The following DOCK10 variants were observed in gnomAD, a reference collection of about 807,000 sequenced individuals.
DOCK10 encodes the protein dedicator of cytokinesis 10.
A neutral mutation model predicts 280.1 loss-of-function variants in DOCK10; 145 were observed. The observed-to-expected ratio is 0.52, with a 90% CI of 0.45 to 0.59. The LOEUF (loss-of-function observed/expected upper bound fraction) is 0.59. Ranked by LOEUF, DOCK10 falls within the 20% of genes least tolerant of loss-of-function variation. The pLI is 0.00. For missense variants in DOCK10, 2,368 were observed against 2,651.7 expected, an observed-to-expected ratio of 0.89 and a Z score of 2.35; for synonymous variants, 915 against 942.2, an observed-to-expected ratio of 0.97 and a Z score of 0.53.
chr2:224,954,957 G>A (rs1703956305), intron 1 of DOCK10, among the ~76,000 whole-genome samples: 1 of 152,188 alleles, frequency 6.6e-6, no homozygotes, highest in African/African-American at 2.4e-5. Flanking sequence ...GAGGAGATCT[G>A]AATCAATGCA....
intron 27 of DOCK10, among the ~76,000 whole-genome samples, chr2:224,829,445 C>T (rs1194636359): frequency 6.6e-6 from 1 of 152,104 alleles, no homozygotes; most frequent in Admixed American, 6.5e-5. Context: ...AAGAGTAAAT[C>T]AAAATAATAT....
intron 1 of DOCK10, among the ~76,000 whole-genome samples, chr2:224,951,092 C>T (rs930475942): frequency 6.6e-6 from 1 of 152,280 alleles, no homozygotes; most frequent in South Asian, 2.1e-4. Flanking sequence ...CATACTTGTG[C>T]TTAAATCTTC....
intron 1 of DOCK10, among the ~76,000 whole-genome samples, chr2:224,999,373 C>T (rs1706363902): frequency 6.6e-6 from 1 of 151,986 alleles, no homozygotes; most frequent in Non-Finnish European, 1.5e-5. Context: ...CAAACATCTT[C>T]TTCAGAGTTG....
chr2:224,783,399 C>T lies in DOCK10; in HGVS notation c.5655+3623G>A, dbSNP rs533899372. On this transcript the variant is annotated intron_variant, in intron 50 of 55. Transcript: ENST00000258390. The stretch of plus-strand genomic sequence containing the variant: ...ACGCCATTCTCCTGCTTCAGCCTCC[C>T]GAGTAGCTGGGATTACAGGCGCTCG... 1.3e-4 allele frequency among the ~76,000 whole-genome samples: 20 copies of T among 152,002 alleles called. No homozygotes were observed. The South Asian group carries it at 2.7e-3, about 21-fold the overall frequency.
chr2:224,854,790 A>G (rs1461442602), intron 16 of DOCK10, among the ~76,000 whole-genome samples, 173 bp downstream of exon 16: 2 of 151,736 alleles, frequency 1.3e-5, no homozygotes, highest in Non-Finnish European at 2.9e-5. Context: ...CTGTAGCATC[A>G]TGAATTCCAT....
intron 3 of DOCK10, among the ~76,000 whole-genome samples, chr2:224,912,498 A>T (rs1449465129): frequency 1.3e-5 from 2 of 152,146 alleles, no homozygotes; most frequent in African/African-American, 4.8e-5. Context: ...TAAATTACAA[A>T]ATTTATGTGT....
At chr2:224,783,778 G>A (rs1049767465) in intron 50 of DOCK10, among the ~76,000 whole-genome samples, 1 of 151,364 alleles carries the variant, frequency 6.6e-6, no homozygotes, top group Admixed American at 6.6e-5. Context: ...GTGAGTTAAG[G>A]GCCCATAATC....
chr2:224,855,317 C>A (rs755796503), intron 15 of DOCK10, among the ~76,000 whole-genome samples: 4 of 152,172 alleles, frequency 2.6e-5, no homozygotes, highest in Non-Finnish European at 5.9e-5. Flanking sequence ...TTTCCTTCTA[C>A]TTCAGATAAC....
intron 1 of DOCK10, among the ~76,000 whole-genome samples, chr2:224,974,681 T>A (rs1374840100): frequency 2.0e-5 from 3 of 150,402 alleles, no homozygotes; most frequent in African/African-American, 4.9e-5. Flanking sequence ...GAGTCTATAC[T>A]TTTTCTAGCC....
At chr2:224,982,544 A>T in intron 1 of DOCK10, 1 of 1,217,846 alleles carries the variant, frequency 8.2e-7, no homozygotes, top group Non-Finnish European at 1.0e-6. Context: ...AGAGATGGGA[A>T]AGATTTGATC....
At chr2:224,951,753 A>G (rs1157714434) in intron 1 of DOCK10, among the ~76,000 whole-genome samples, 1 of 152,182 alleles carries the variant, frequency 6.6e-6, no homozygotes, top group East Asian at 1.9e-4. Context: ...AAGTGTCAAC[A>G]GGGTGGTATC....
chr2:224,961,446 C>CTTTCTTTCTTTCTTTCTTTCTTTT (rs1704423079), intron 1 of DOCK10, among the ~76,000 whole-genome samples: 1 of 130,550 alleles, frequency 7.7e-6, no homozygotes, highest in African/African-American at 2.8e-5. Flanking sequence ...TTCTTTCTTT[C>CTTTCTTTCTTTCTTTCTTTCTTTT]TTTCTTTCTT....
intron 30 of DOCK10, among the ~76,000 whole-genome samples, chr2:224,815,416 C>T (rs958529829): frequency 6.6e-6 from 1 of 151,910 alleles, no homozygotes; most frequent in Non-Finnish European, 1.5e-5. Context: ...AGATTTGGTC[C>T]TCTTGAATAT....
Position 224,804,161 on chromosome 2 carries a change from G to C in DOCK10, c.4219C>G (p.Leu1407Val), listed in dbSNP as rs148299469. The change falls in exon 39 of 56, where the codon CTC (leucine) becomes GTC (valine). Residue 1407 changes from leucine to valine, a missense_variant. This residue lies in a region of DOCK10 where 1,159 missense variants were observed against 1,400.8 expected (regional missense o/e 0.83). Transcript: ENST00000258390. Reference sequence around the variant, plus strand: ...TGGCAGGAAGGATTGGATCCTTTGAGAGTTCCATTGTTCTGGGTGGACTGC... The same window carrying C: ...TGGCAGGAAGGATTGGATCCTTTGACAGTTCCATTGTTCTGGGTGGACTGC... ...FVQSTQNNGT[L>V]KGSNPSCQTS... 5.6e-6 allele frequency: 9 copies of C among 1,612,084 alleles called. No individual in the cohort carries two copies. Among genetic ancestry groups the C allele is most frequent in the Non-Finnish European group, 7.6e-6 (9 of 1,178,828 alleles).
chr2:224,993,101 G>A (rs568448623), intron 1 of DOCK10, among the ~76,000 whole-genome samples: 8 of 152,136 alleles, frequency 5.3e-5, no homozygotes, highest in Middle Eastern at 3.4e-3. Context: ...ACCAAGCCCA[G>A]AACAGTCACC....
intron 1 of DOCK10, among the ~76,000 whole-genome samples, chr2:224,944,080 G>A (rs752823988): frequency 1.3e-5 from 2 of 152,080 alleles, no homozygotes; most frequent in African/African-American, 4.8e-5. Context: ...ATTTTAGAAA[G>A]CTTAGATGAA....
chr2:225,024,434 G>A (rs981981865), intron 1 of DOCK10, among the ~76,000 whole-genome samples: 2 of 152,250 alleles, frequency 1.3e-5, no homozygotes, highest in East Asian at 3.9e-4. Context: ...TATGTGTAGA[G>A]AGAGAATGAA....
chr2:225,019,052 C>T (rs1187954568), intron 1 of DOCK10, among the ~76,000 whole-genome samples: 2 of 127,134 alleles, frequency 1.6e-5, no homozygotes, highest in Admixed American at 7.6e-5. Context: ...CAACTAGCAA[C>T]AATCTTTTTG....
At chr2:224,900,208 A>C (rs1322724808) in intron 3 of DOCK10, among the ~76,000 whole-genome samples, 1 of 152,166 alleles carries the variant, frequency 6.6e-6, no homozygotes, top group Non-Finnish European at 1.5e-5. Context: ...GCCGAATCTA[A>C]GATATGCTAG....
Sources: allele counts gnomAD v4.1 joint callset (sites outside exome capture counted in the v4.1 genomes callset), GRCh38; gene constraint gnomAD v4.1.1; regional missense constraint gnomAD v4.1.1; transcripts MANE v1.5; gene names NCBI Gene and HGNC (gene_info 2026-07-23, HGNC 2026-07-21).